PEAK1: variants seen among roughly 807,000 people sequenced by gnomAD.
PEAK1 encodes pseudopodium enriched atypical kinase 1.
PEAK1 carries 54 observed loss-of-function variants against 124.7 expected under a neutral mutation model. The observed-to-expected ratio is 0.43, with a 90% confidence interval of 0.35 to 0.54. PEAK1 has a LOEUF of 0.54. Among genes scored for constraint, PEAK1 ranks in the 20% least tolerant of loss-of-function variants. The pLI, the probability that PEAK1 is intolerant of heterozygous loss-of-function variation, is 0.01. For missense variants in PEAK1, 2,046 were observed against 2,134.5 expected, an observed-to-expected ratio of 0.96 and a Z score of 0.82; for synonymous variants, 719 against 760.0, an observed-to-expected ratio of 0.95 and a Z score of 0.89.
intron 6 of PEAK1, among the ~76,000 whole-genome samples, chr15:77,195,804 T>C (rs977108404): frequency 6.6e-6 from 1 of 152,192 alleles, no homozygotes; most frequent in Non-Finnish European, 1.5e-5. Context: ...AATGAGCATA[T>C]TAAAATGAAT....
chr15:77,247,475 C>CT (rs1412661091), intron 6 of PEAK1, among the ~76,000 whole-genome samples: 4 of 91,792 alleles, frequency 4.4e-5, no homozygotes, highest in East Asian at 3.6e-4. Context: ...TCTCTTTTTT[C>CT]TTTTCTTTTC....
At position 77,179,316 on chromosome 15, in the gene PEAK1, G is replaced by C. The variant is rs1005068184; in HGVS notation, c.2611C>G (p.Pro871Ala). 1.2e-6 allele frequency: 2 copies of C among 1,614,098 alleles called. No homozygotes were observed. Among genetic ancestry groups the C allele is most frequent in the Non-Finnish European group, 1.7e-6 (2 of 1,180,020 alleles). The change falls in exon 7 of 10, where the codon CCC (proline) becomes GCC (alanine). Residue 871 changes from proline to alanine, a missense_variant. Transcript: ENST00000682557. ...GGAGAAGAAGTAGAGCGTGGCGGGG[G>C]AAAGGGAGCTGGTGGCTCACTTTGG... is the stretch of plus-strand genomic sequence containing the variant. ...SPQSEPPAPF[P>A]PPRSTSSPYH...
At chr15:77,350,274 G>T in intron 2 of PEAK1, 1 of 985,276 alleles carries the variant, frequency 1.0e-6, no homozygotes, top group Non-Finnish European at 1.2e-6. Flanking sequence ...AATTTCATAT[G>T]AATTAGAAGA....
In PEAK1 at chr15:77,164,224, GA is replaced by G. The variant is rs550616002; in HGVS notation, c.3138-5529del. 7.2e-5 allele frequency among the ~76,000 whole-genome samples: 11 copies of G among 152,264 alleles called. No individual in the cohort carries two copies. The South Asian group carries it at 2.3e-3, about 32-fold the overall frequency. On this transcript the variant is annotated intron_variant, in intron 7 of 9. Transcript: ENST00000682557. ...TCAGATAGAGAAGTGTGTGTCTACT[GA>G]TCACTATCTAGTGTCTCCAATTTTC...
At chr15:77,176,899 T>C (rs372593905) in intron 7 of PEAK1, among the ~76,000 whole-genome samples, 4 of 152,224 alleles carry the variant, frequency 2.6e-5, no homozygotes, top group African/African-American at 7.2e-5. Context: ...TTCCCTCCTA[T>C]GTAACTCCAA....
At chr15:77,407,874 T>C (rs2071960321) in intron 1 of PEAK1, among the ~76,000 whole-genome samples, 1 of 141,270 alleles carries the variant, frequency 7.1e-6, no homozygotes, top group Non-Finnish European at 1.5e-5. Context: ...CCCGAGTAGA[T>C]AAAGCATGAT....
chr15:77,353,065 T>A (rs763541811), intron 2 of PEAK1: 1 of 889,834 alleles, frequency 1.1e-6, no homozygotes, highest in Non-Finnish European at 1.3e-6. Context: ...CCAATTTCCA[T>A]CCAGCTGCAA....
chr15:77,301,316 G>A (rs919639980), intron 2 of PEAK1, among the ~76,000 whole-genome samples: 1 of 151,998 alleles, frequency 6.6e-6, no homozygotes, highest in African/African-American at 2.4e-5. Flanking sequence ...TGTCTTATAA[G>A]GACACCCCTC....
At chr15:77,194,465 A>C (rs1384693526) in intron 6 of PEAK1, among the ~76,000 whole-genome samples, 1 of 152,104 alleles carries the variant, frequency 6.6e-6, no homozygotes, top group Non-Finnish European at 1.5e-5. Flanking sequence ...TATCTCCTCC[A>C]TGTCCACTCA....
At chr15:77,216,017 GT>G (rs1448613805) in intron 6 of PEAK1, among the ~76,000 whole-genome samples, 6 of 151,986 alleles carry the variant, frequency 3.9e-5, no homozygotes, top group African/African-American at 1.5e-4. Context: ...TATCAAAATT[GT>G]TTTAGCTATT....
At chr15:77,158,367 C>T (rs2055339340) in intron 8 of PEAK1, 136 bp downstream of exon 8, 1 of 793,342 alleles carries the variant, frequency 1.3e-6, no homozygotes, top group African/African-American at 1.7e-5. Flanking sequence ...TCTGATGTGA[C>T]TTAAAATTTG....
At position 77,181,300 on chromosome 15, in the gene PEAK1, A is replaced by T; in HGVS notation, c.627T>A (p.Val209=). Residue 209 remains valine, a synonymous_variant, in exon 7 of 10, where the codon GTT becomes GTA. Coordinates refer to ENST00000682557, the MANE Select transcript of PEAK1 (RefSeq NM_001385026.1). The part of the protein sequence containing the change: ...GGIKETQGKH[V]ILSGSTEVIS... Reference sequence around the variant, plus strand: ...TCACTTCTGTGCTCCCACTCAGAATAACATGCTTGCCCTGAGTTTCCTTTA... The same window carrying T: ...TCACTTCTGTGCTCCCACTCAGAATTACATGCTTGCCCTGAGTTTCCTTTA... The T allele has an allele frequency of 6.2e-7, 1 of 1,614,152 alleles. No individual in the cohort carries two copies. Among genetic ancestry groups the T allele is most frequent in the Non-Finnish European group, 8.5e-7 (1 of 1,180,020 alleles).
intron 6 of PEAK1, among the ~76,000 whole-genome samples, chr15:77,219,393 T>C (rs766374637): frequency 1.3e-5 from 2 of 152,196 alleles, no homozygotes; most frequent in Non-Finnish European, 2.9e-5. Context: ...GTGAGGGCTA[T>C]TATACAAGCA....
Position 77,181,054 on chromosome 15 carries a change from C to G in PEAK1, c.873G>C (p.Trp291Cys). ...ACTTGTTTCGCAGGGGGATGGTATT[C>G]CATTTTTTGTCCACAAAGAATCGAA... Reference protein sequence around the residue: ...SPVRFFVDKKWNTIPLRNKSL... With the variant: ...SPVRFFVDKKCNTIPLRNKSL... Residue 291 changes from tryptophan (W) to cysteine (C), a missense_variant, in exon 7 of 10, where the codon TGG becomes TGC. Trp to Cys is a radical substitution (Grantham distance 215). Transcript: ENST00000682557. 1 of 1,614,142 alleles carries G rather than the reference C, an allele frequency of 6.2e-7. No homozygotes were observed.
At chr15:77,212,297 T>C (rs1475791421) in intron 6 of PEAK1, among the ~76,000 whole-genome samples, 1 of 152,192 alleles carries the variant, frequency 6.6e-6, no homozygotes, top group African/African-American at 2.4e-5. Flanking sequence ...TCCTAATTCA[T>C]AATATCTCAG....
rs1418867033 is a variant in PEAK1 at position 77,180,167 on chromosome 15, G to A, written c.1760C>T (p.Ser587Leu). 1 of 1,613,936 alleles carries A rather than the reference G, an allele frequency of 6.2e-7. No homozygotes were observed. Among genetic ancestry groups the A allele is most frequent in the Non-Finnish European group, 8.5e-7 (1 of 1,179,930 alleles). ...NISSKTIPVKSPNLSEIKFNS... is the reference protein window; with the variant it reads ...NISSKTIPVKLPNLSEIKFNS... ...AAATTTAATTTCAGACAAATTAGGTGACTTAACAGGGATGGTTTTGGAGGA... is the reference window on the plus strand; with the variant it reads ...AAATTTAATTTCAGACAAATTAGGTAACTTAACAGGGATGGTTTTGGAGGA... Residue 587 changes from serine (S) to leucine (L), a missense_variant, in exon 7 of 10, where the codon TCA becomes TTA. Transcript: ENST00000682557.
chr15:77,217,222 C>CAAAAAA (rs34034344), intron 6 of PEAK1, among the ~76,000 whole-genome samples: 1 of 68,346 alleles, frequency 1.5e-5, no homozygotes, highest in Non-Finnish European at 2.6e-5. Context: ...GACTCTGTCT[C>CAAAAAA]AAAAAAAAAA....
chr15:77,379,167 A>G (rs1486057066), intron 1 of PEAK1, among the ~76,000 whole-genome samples: 1 of 152,226 alleles, frequency 6.6e-6, no homozygotes, highest in East Asian at 1.9e-4. Context: ...CTGAAGTTAT[A>G]CATTTTCTCC....
chr15:77,240,618 T>C (rs1441084616), intron 6 of PEAK1, among the ~76,000 whole-genome samples: 2 of 151,914 alleles, frequency 1.3e-5, no homozygotes, highest in Non-Finnish European at 2.9e-5. Context: ...CTTATGTTTA[T>C]AAATTATTAA....
Sources: allele counts gnomAD v4.1 joint callset (sites outside exome capture counted in the v4.1 genomes callset), GRCh38; gene constraint gnomAD v4.1.1; transcripts MANE v1.5; gene names NCBI Gene and HGNC (gene_info 2026-07-23, HGNC 2026-07-21).